Variants in TMEM232 observed in about 807,000 individuals in gnomAD.
The protein encoded by TMEM232 is transmembrane protein 232.
In TMEM232, 80 loss-of-function variants were observed where a neutral mutation model predicts 78.8. That is an observed-to-expected ratio of 1.01 (90% CI 0.85 to 1.22). The LOEUF is 1.22. TMEM232 is among the 50% of genes most tolerant of loss of function. TMEM232 has a pLI of 0.00. For missense variants in TMEM232, 881 were observed against 742.2 expected (o/e 1.19, Z -2.17); for synonymous variants, 297 against 254.3 (o/e 1.17, Z -1.60).
chr5:110,456,843 T>A (rs1046059617), intron 12 of TMEM232, among the ~76,000 whole-genome samples: 1 of 152,046 alleles, frequency 6.6e-6, no homozygotes, highest in Non-Finnish European at 1.5e-5. Flanking sequence ...AAGAGGAACT[T>A]TGACACATAC....
chr5:110,503,768 T>C (rs560193154), intron 12 of TMEM232, among the ~76,000 whole-genome samples: 1 of 152,328 alleles, frequency 6.6e-6, no homozygotes, highest in South Asian at 2.1e-4. Flanking sequence ...GCTGAATTTG[T>C]AGTAAATGTT....
intron 1 of TMEM232, among the ~76,000 whole-genome samples, chr5:110,737,335 C>A (rs1188962299): frequency 2.6e-5 from 4 of 152,002 alleles, no homozygotes; most frequent in African/African-American, 9.7e-5. Context: ...CTATTATGAG[C>A]AAGCATGCCA....
chr5:110,670,222 T>C (rs1160765154), intron 1 of TMEM232, among the ~76,000 whole-genome samples: 3 of 152,176 alleles, frequency 2.0e-5, no homozygotes, highest in Non-Finnish European at 4.4e-5. Context: ...TGATTGTATA[T>C]TTAGAAAACC....
chr5:110,513,382 A>C (rs1768086180), intron 12 of TMEM232, among the ~76,000 whole-genome samples: 1 of 152,186 alleles, frequency 6.6e-6, no homozygotes, highest in Admixed American at 6.5e-5. Flanking sequence ...ATAACTGGAA[A>C]CCATATATTC....
intron 7 of TMEM232, among the ~76,000 whole-genome samples, chr5:110,620,129 C>G (rs926941169): frequency 6.6e-6 from 1 of 151,994 alleles, no homozygotes; most frequent in African/African-American, 2.4e-5. Context: ...ATTTAGACAA[C>G]GAACAAGATT....
chr5:110,664,910 C>A (rs1335776701), intron 2 of TMEM232, among the ~76,000 whole-genome samples: 1 of 152,176 alleles, frequency 6.6e-6, no homozygotes, highest in African/African-American at 2.4e-5. Flanking sequence ...AACTCCAGGG[C>A]TTTTCAAATT....
At chr5:110,636,244 T>C (rs1263027915) in intron 5 of TMEM232, among the ~76,000 whole-genome samples, 1 of 151,750 alleles carries the variant, frequency 6.6e-6, no homozygotes, top group Admixed American at 6.6e-5. Context: ...AATAATATTA[T>C]AGATATCAGA....
chr5:110,615,906 A>T (rs1361952451), intron 8 of TMEM232, among the ~76,000 whole-genome samples: 1 of 151,932 alleles, frequency 6.6e-6, no homozygotes, highest in Non-Finnish European at 1.5e-5. Flanking sequence ...CAATAGCAAA[A>T]AATAAAAAAA....
chr5:110,479,719 T>A (rs778608108), intron 12 of TMEM232, among the ~76,000 whole-genome samples: 19 of 151,936 alleles, frequency 1.3e-4, no homozygotes, highest in Non-Finnish European at 1.8e-4. Flanking sequence ...CTCTGTTTTG[T>A]GGTGGTTATT....
rs540295663 is a variant in TMEM232, at chr5:110,557,676, A to T, written c.1455+10771T>A. Among the ~76,000 whole-genome samples the T allele has an allele frequency of 5.9e-5, 9 of 152,270 alleles. No homozygotes were observed. In the South Asian group the frequency reaches 1.9e-3, roughly 32 times the overall value. On this transcript the variant is annotated intron_variant, in intron 11 of 13. Transcript: ENST00000455884. ...GGAAGAGAGAAAGAGGGGAGGTTCT[A>T]CACACTTTTAAACAACCAGATCTTG...
intron 12 of TMEM232, among the ~76,000 whole-genome samples, chr5:110,451,752 C>T (rs78283157): frequency 0.028 from 4,274 of 152,122 alleles, 102 homozygotes; most frequent in Non-Finnish European, 0.041. Context: ...TAGCCCTTTA[C>T]TTTTCTTGTA....
chr5:110,407,322 G>A (rs1346295547), intron 2 of TMEM232, among the ~76,000 whole-genome samples: 1 of 151,980 alleles, frequency 6.6e-6, no homozygotes, highest in East Asian at 1.9e-4. Flanking sequence ...GACTAAATGT[G>A]AAGGATCAGA....
chr5:110,455,481 C>G (rs1389119179), intron 12 of TMEM232, among the ~76,000 whole-genome samples: 2 of 151,876 alleles, frequency 1.3e-5, no homozygotes, highest in African/African-American at 4.8e-5. Context: ...GCGTTCAAGC[C>G]ATTCTCCTGC....
At chr5:110,652,986 T>A (rs375086245) in intron 2 of TMEM232, among the ~76,000 whole-genome samples, 5 of 152,334 alleles carry the variant, frequency 3.3e-5, no homozygotes, top group East Asian at 3.9e-4. Context: ...GTATTTACAT[T>A]ATCTGTGAAT....
chr5:110,626,062 G>A (rs1580409412), intron 6 of TMEM232, among the ~76,000 whole-genome samples: 1 of 151,960 alleles, frequency 6.6e-6, no homozygotes, highest in Non-Finnish European at 1.5e-5. Context: ...TGGAGAGGTA[G>A]CAGCCGCTGA....
intron 12 of TMEM232, among the ~76,000 whole-genome samples, chr5:110,445,332 A>T (rs1759530486): frequency 6.6e-6 from 1 of 152,126 alleles, no homozygotes; most frequent in African/African-American, 2.4e-5. Flanking sequence ...ATAACTTAAT[A>T]TTTATGACAT....
At chr5:110,652,042 A>G (rs541268732) in intron 2 of TMEM232, among the ~76,000 whole-genome samples, 43 of 152,274 alleles carry the variant, frequency 2.8e-4, no homozygotes, top group African/African-American at 1.0e-3. Flanking sequence ...TTACAAGAAG[A>G]AATAGGAGGC....
intron 10 of TMEM232, among the ~76,000 whole-genome samples, chr5:110,585,698 A>C (rs561106550): frequency 6.6e-6 from 1 of 152,168 alleles, no homozygotes; most frequent in South Asian, 2.1e-4. Flanking sequence ...TGCAGTTCCA[A>C]GAGCTCTGGG....
intron 10 of TMEM232, among the ~76,000 whole-genome samples, chr5:110,572,728 T>G (rs1777099985): frequency 6.6e-6 from 1 of 152,094 alleles, no homozygotes; most frequent in Non-Finnish European, 1.5e-5. Context: ...GTTCACCTGT[T>G]GATTTAAACT....
Sources: allele counts gnomAD v4.1 joint callset (sites outside exome capture counted in the v4.1 genomes callset), GRCh38; gene constraint gnomAD v4.1.1; transcripts MANE v1.5; gene names NCBI Gene and HGNC (gene_info 2026-07-23, HGNC 2026-07-21).